FBXL13: variants seen among roughly 807,000 people sequenced by gnomAD.
FBXL13 encodes F-box and leucine-rich repeat protein 13.
A neutral mutation model predicts 83.6 loss-of-function variants in FBXL13; 67 were observed. The observed-to-expected ratio is 0.80, with a 90% CI of 0.66 to 0.98. The LOEUF (loss-of-function observed/expected upper bound fraction) is 0.98, where lower values mean the gene tolerates loss of function less well. Ranked by LOEUF, FBXL13 falls within the 50% of genes least tolerant of loss-of-function variation. FBXL13 has a pLI of 0.00. For synonymous variants in FBXL13, 272 were observed against 299.5 expected (o/e 0.91, Z 0.95); for missense variants, 822 against 866.5 (o/e 0.95, Z 0.64).
intron 1 of FBXL13, among the ~76,000 whole-genome samples, chr7:103,056,093 C>G (rs1010067178): frequency 6.6e-6 from 1 of 152,058 alleles, no homozygotes; most frequent in Admixed American, 6.5e-5. Context: ...TGAGTGAGAA[C>G]GTATAATGTT....
intron 16 of FBXL13, among the ~76,000 whole-genome samples, chr7:102,867,695 A>ATATT (rs1239781180): frequency 9.8e-4 from 48 of 49,072 alleles, no homozygotes; most frequent in African/African-American, 2.6e-3. Context: ...ATATATATAT[A>ATATT]TTTTTTTTTT....
intron 10 of FBXL13, among the ~76,000 whole-genome samples, chr7:102,918,899 T>C (rs189882437): frequency 1.6e-3 from 249 of 152,330 alleles, no homozygotes; most frequent in African/African-American, 5.3e-3. Context: ...TATTCATATA[T>C]ATACACATAC....
At chr7:102,835,762 A>G (rs986763361) in intron 17 of FBXL13, among the ~76,000 whole-genome samples, 1 of 148,238 alleles carries the variant, frequency 6.7e-6, no homozygotes, top group Non-Finnish European at 1.5e-5. Context: ...GGCGCCCGCC[A>G]CTACGCCCGG....
At chr7:102,973,296 G>A (rs1826964350) in intron 6 of FBXL13, 1 of 512,014 alleles carries the variant, frequency 2.0e-6, no homozygotes, top group Non-Finnish European at 3.6e-6. Flanking sequence ...AAGGCCACTT[G>A]TACCAGCAGC....
At chr7:102,948,994 G>A (rs1822984838) in intron 8 of FBXL13, among the ~76,000 whole-genome samples, 1 of 152,200 alleles carries the variant, frequency 6.6e-6, no homozygotes, top group Non-Finnish European at 1.5e-5. Context: ...TTACAGGCAT[G>A]AGCCACTGTG....
chr7:102,997,754 T>C (rs1208530651), intron 6 of FBXL13, among the ~76,000 whole-genome samples: 1 of 152,228 alleles, frequency 6.6e-6, no homozygotes, highest in Non-Finnish European at 1.5e-5. Context: ...AGAATTTCCT[T>C]CTTTTTTATG....
At chr7:103,040,556 T>C (rs1447726143) in intron 2 of FBXL13, among the ~76,000 whole-genome samples, 2 of 152,110 alleles carry the variant, frequency 1.3e-5, no homozygotes, top group East Asian at 3.9e-4. Context: ...TATTCTAAAA[T>C]TGACCACATA....
intron 11 of FBXL13, among the ~76,000 whole-genome samples, chr7:102,896,248 G>A: frequency 6.6e-6 from 1 of 152,204 alleles, no homozygotes; most frequent in East Asian, 1.9e-4. Context: ...GAAGGACATT[G>A]ACTTGGGTTT....
chr7:102,926,363 C>A, exon 10 of FBXL13: 1 of 1,613,094 alleles, frequency 6.2e-7, no homozygotes, highest in Non-Finnish European at 8.5e-7. Flanking sequence ...AAATGTGTCT[C>A]ATTGATTCAT....
At chr7:102,820,819 C>T (rs981951446) in intron 19 of FBXL13, among the ~76,000 whole-genome samples, 17 of 152,202 alleles carry the variant, frequency 1.1e-4, no homozygotes, top group Non-Finnish European at 1.8e-4. Flanking sequence ...AGGGCAAAGC[C>T]CTCATCACCT....
chr7:103,019,861 C>A (rs770358865), intron 6 of FBXL13, among the ~76,000 whole-genome samples: 8 of 152,236 alleles, frequency 5.3e-5, no homozygotes, highest in South Asian at 4.1e-4. Context: ...AAGGCCAGGA[C>A]CAGATAGATT....
At chr7:103,001,117 T>C (rs889493001) in intron 6 of FBXL13, among the ~76,000 whole-genome samples, 4 of 150,204 alleles carry the variant, frequency 2.7e-5, no homozygotes, top group African/African-American at 9.9e-5. Context: ...GTTCTATATA[T>C]ATATTTTTTT....
chr7:102,854,742 C>A, intron 17 of FBXL13, 35 bp downstream of exon 18: 1 of 1,324,968 alleles, frequency 7.5e-7, no homozygotes. Context: ...AAATTTCAAT[C>A]TTAATTCTTT....
chr7:102,936,537 C>G (rs939819466), intron 8 of FBXL13, among the ~76,000 whole-genome samples: 9 of 152,084 alleles, frequency 5.9e-5, no homozygotes, highest in African/African-American at 2.2e-4. Context: ...TATGGTGAGT[C>G]CTTAGTGCTT....
chr7:103,056,424 A>G (rs1166478770), intron 1 of FBXL13, among the ~76,000 whole-genome samples: 1 of 152,066 alleles, frequency 6.6e-6, no homozygotes, highest in African/African-American at 2.4e-5. Flanking sequence ...TGGTAGTTCT[A>G]CGTTTAGTTC....
intron 8 of FBXL13, chr7:102,939,735 G>T: frequency 1.4e-6 from 1 of 725,294 alleles, no homozygotes. Context: ...CTTATACTAG[G>T]AGTTGTTTGC....
chr7:102,996,416 A>G (rs1046225032), intron 6 of FBXL13, among the ~76,000 whole-genome samples: 14 of 152,214 alleles, frequency 9.2e-5, no homozygotes, highest in Non-Finnish European at 2.1e-4. Flanking sequence ...CTTACTTCTT[A>G]TCTGCTGTGA....
chr7:103,004,289 C>T (rs764532164), intron 6 of FBXL13, among the ~76,000 whole-genome samples: 15 of 152,276 alleles, frequency 9.9e-5, no homozygotes, highest in Middle Eastern at 3.4e-3. Flanking sequence ...TAAGTCCATC[C>T]AGGTTTGCCT....
intron 19 of FBXL13, among the ~76,000 whole-genome samples, chr7:102,818,278 A>G (rs1171686358): frequency 6.6e-6 from 1 of 152,236 alleles, no homozygotes; most frequent in Non-Finnish European, 1.5e-5. Flanking sequence ...AATGTAATAT[A>G]AAGGCGAAGA....
Sources: allele counts gnomAD v4.1 joint callset (sites outside exome capture counted in the v4.1 genomes callset), GRCh38; gene constraint gnomAD v4.1.1; transcripts MANE v1.5; gene names NCBI Gene and HGNC (gene_info 2026-07-23, HGNC 2026-07-21).